B3GLCT: variants seen among roughly 807,000 people sequenced by gnomAD.
B3GLCT encodes the protein beta-1,3-glucosyltransferase.
Under a neutral mutation model 63.4 loss-of-function variants are expected in B3GLCT, and 65 were observed. The ratio of observed to expected loss-of-function variants is 1.03; its 90% CI spans 0.84 to 1.26. The LOEUF (loss-of-function observed/expected upper bound fraction) is 1.26. Ranked by LOEUF, B3GLCT falls within the 50% of genes most tolerant of loss-of-function variation. The probability of loss-of-function intolerance (pLI) is 0.00; values close to 1 mark genes in which losing one functional copy is unlikely to be tolerated. For synonymous variants in B3GLCT, 233 were observed against 219.2 expected, an observed-to-expected ratio of 1.06 and a Z score of -0.55; for missense variants, 577 against 604.8, an observed-to-expected ratio of 0.95 and a Z score of 0.48.
intron 6 of B3GLCT, among the ~76,000 whole-genome samples, chr13:31,250,806 C>T (rs1871391501): frequency 6.6e-6 from 1 of 152,232 alleles, no homozygotes; most frequent in Non-Finnish European, 1.5e-5. Context: ...TTAAATGTCC[C>T]TACCTGGCAG....
At chr13:31,297,601 G>A (rs1874021895) in intron 12 of B3GLCT, among the ~76,000 whole-genome samples, 1 of 151,970 alleles carries the variant, frequency 6.6e-6, no homozygotes, top group Non-Finnish European at 1.5e-5. Context: ...GACACCAAAT[G>A]GGTGTCCTTT....
chr13:31,221,460 C>T lies in B3GLCT; in HGVS notation c.121-1492C>T, dbSNP rs1869809348. Among the ~76,000 whole-genome samples the T allele has an allele frequency of 1.3e-5, 2 of 152,198 alleles. 1 individual carries two copies. Among genetic ancestry groups the T allele is most frequent in the South Asian group, 4.1e-4 (2 of 4,830 alleles). On this transcript the variant is annotated intron_variant, in intron 2 of 14. Coordinates refer to ENST00000343307, the MANE Select transcript of B3GLCT (RefSeq NM_194318.4). ...CATTCAGGGAACTGGATTGAACTTTCCAGTCTTTTTTAGTAATTTCTTCCA... is the reference window on the plus strand; with the variant it reads ...CATTCAGGGAACTGGATTGAACTTTTCAGTCTTTTTTAGTAATTTCTTCCA...
chr13:31,315,891 G>A (rs1395133663), intron 12 of B3GLCT, among the ~76,000 whole-genome samples: 2 of 152,226 alleles, frequency 1.3e-5, no homozygotes, highest in African/African-American at 2.4e-5. Flanking sequence ...TCCAGCCATG[G>A]CTAAAAGGGG....
intron 6 of B3GLCT, among the ~76,000 whole-genome samples, chr13:31,260,721 TTGA>T (rs1266753599): frequency 6.6e-6 from 1 of 152,226 alleles, no homozygotes; most frequent in Non-Finnish European, 1.5e-5. Context: ...TTTGTTCATC[TTGA>T]TGATCAGATC....
At position 31,229,273 on chromosome 13, in the gene B3GLCT, G is replaced by T; in HGVS notation, c.249G>T (p.Lys83Asn). 1 of 1,610,498 alleles carries T rather than the reference G, an allele frequency of 6.2e-7. No individual in the cohort carries two copies. The highest frequency in any genetic ancestry group is 8.5e-7 in the Non-Finnish European group (1 of 1,176,722). Residue 83 changes from lysine to asparagine, a missense_variant, in exon 4 of 15, where the codon AAG becomes AAT. By Grantham distance (94) the Lys-to-Asn change is moderately conservative (BLOSUM62 0). Coordinates refer to ENST00000343307, the MANE Select transcript of B3GLCT (RefSeq NM_194318.4). ...RAEQLKKSIL[K>N]QAADLTQELP... ...AGCAGTTAAAAAAAAGCATCTTAAA[G>T]CAGGCTGCAGATCTTACACAGGTAC...
intron 12 of B3GLCT, among the ~76,000 whole-genome samples, chr13:31,290,348 G>C (rs745393125): frequency 1.3e-5 from 2 of 152,184 alleles, no homozygotes; most frequent in Non-Finnish European, 2.9e-5. Context: ...CTTTACAGTG[G>C]AATGACTTAT....
chr13:31,252,167 C>T (rs915360919), intron 6 of B3GLCT, among the ~76,000 whole-genome samples: 9 of 152,112 alleles, frequency 5.9e-5, no homozygotes, highest in African/African-American at 2.2e-4. Context: ...CAAAGAAATG[C>T]TGAGAGATTT....
chr13:31,323,231 A>T (rs1459535710), intron 13 of B3GLCT, among the ~76,000 whole-genome samples: 1 of 152,134 alleles, frequency 6.6e-6, no homozygotes, highest in Admixed American at 6.5e-5. Flanking sequence ...TCCTAGACTG[A>T]TTCATAGAAT....
chr13:31,308,362 A>AAAAAAAAAAAAAAAAAAC (rs61561180), intron 12 of B3GLCT, among the ~76,000 whole-genome samples: 1 of 61,888 alleles, frequency 1.6e-5, no homozygotes, highest in Non-Finnish European at 3.6e-5. Context: ...AAAAAAAAAC[A>AAAAAAAAAAAAAAAAAAC]AAAAAAAAAG....
At chr13:31,308,970 A>C (rs768109269) in intron 12 of B3GLCT, among the ~76,000 whole-genome samples, 9 of 152,228 alleles carry the variant, frequency 5.9e-5, no homozygotes, top group Non-Finnish European at 8.8e-5. Context: ...AGATAACAAT[A>C]ATCAAGGGAT....
intron 10 of B3GLCT, among the ~76,000 whole-genome samples, chr13:31,281,635 G>C (rs1243038225): frequency 1.3e-5 from 2 of 152,162 alleles, no homozygotes; most frequent in Non-Finnish European, 2.9e-5. Context: ...GTACACCTCA[G>C]TCTTTAAAAT....
rs552038723 is a variant in B3GLCT, at chr13:31,290,949, G to T, written c.1064+4130G>T. Among the ~76,000 whole-genome samples, 365 of 152,282 alleles carry T rather than the reference G, an allele frequency of 2.4e-3. 2 individuals carry two copies. Among genetic ancestry groups the T allele is most frequent in the African/African-American group, 8.3e-3 (346 of 41,560 alleles). Reference sequence around the variant, plus strand: ...AAGTCTTTGCCCATGCCTATGTCCTGAATGGTATTGCCTAGGTGTTCTTCT... The same window carrying T: ...AAGTCTTTGCCCATGCCTATGTCCTTAATGGTATTGCCTAGGTGTTCTTCT... On this transcript the variant is annotated intron_variant, in intron 12 of 14. Transcript: ENST00000343307.
chr13:31,223,013 C>A (rs748910111), intron 3 of B3GLCT, 22 bp downstream of exon 3: 4 of 1,425,264 alleles, frequency 2.8e-6, no homozygotes, highest in South Asian at 2.3e-5. Flanking sequence ...TTTTTTTTAC[C>A]TAAGAGTGTG....
At chr13:31,205,240 T>C (rs1332870139) in intron 1 of B3GLCT, among the ~76,000 whole-genome samples, 1 of 151,562 alleles carries the variant, frequency 6.6e-6, no homozygotes, top group African/African-American at 2.4e-5. Flanking sequence ...AGTAGGTTTT[T>C]TTTTTTTGTT....
At chr13:31,244,676 C>G (rs2137800934) in intron 4 of B3GLCT, among the ~76,000 whole-genome samples, 1 of 152,024 alleles carries the variant, frequency 6.6e-6, no homozygotes, top group Non-Finnish European at 1.5e-5. Flanking sequence ...TGATAATTAC[C>G]TTTAAGGTGC....
intron 1 of B3GLCT, among the ~76,000 whole-genome samples, chr13:31,210,436 C>T (rs1453536756): frequency 6.6e-6 from 1 of 152,208 alleles, no homozygotes; most frequent in Non-Finnish European, 1.5e-5. Flanking sequence ...GTAGCCACTC[C>T]TGTGTACCCC....
At chr13:31,273,091 T>A (rs1288120893) in intron 8 of B3GLCT, among the ~76,000 whole-genome samples, 1 of 152,180 alleles carries the variant, frequency 6.6e-6, no homozygotes, top group Non-Finnish European at 1.5e-5. Context: ...TTCTTTTTTC[T>A]TTCTTTGTTT....
chr13:31,226,095 T>C (rs967948997), intron 3 of B3GLCT, among the ~76,000 whole-genome samples: 1 of 152,182 alleles, frequency 6.6e-6, no homozygotes, highest in South Asian at 2.1e-4. Context: ...GTCTGCTGCT[T>C]TTTAAAGGAA....
At chr13:31,312,829 A>T (rs969124031) in intron 12 of B3GLCT, 3 of 152,270 alleles carry the variant, frequency 2.0e-5, no homozygotes, top group African/African-American at 4.8e-5. Flanking sequence ...AAAACCAATG[A>T]TAAAATAGCA....
Sources: gnomAD v4.1 joint callset for allele counts (sites outside exome capture counted in the v4.1 genomes callset) on GRCh38, gnomAD v4.1.1 for gene constraint, MANE v1.5 for transcripts, NCBI Gene and HGNC (gene_info 2026-07-23, HGNC 2026-07-21) for gene names.